The following LRRC9 variants were observed in gnomAD, a reference collection of about 807,000 sequenced individuals.
LRRC9 encodes leucine-rich repeat-containing protein 9.
Under a neutral mutation model 63.2 loss-of-function variants are expected in LRRC9, and 122 were observed. The ratio of observed to expected loss-of-function variants is 1.93; its 90% CI spans 1.67 to 2.24. The LOEUF (loss-of-function observed/expected upper bound fraction) is 2.24. Among genes scored for constraint, LRRC9 ranks in the 30% most tolerant of loss-of-function variants. LRRC9 has a pLI of 0.00. For synonymous variants in LRRC9, 366 were observed against 213.1 expected (o/e 1.72, Z -6.25); for missense variants, 1,071 against 627.7 (o/e 1.71, Z -7.55).
At chr14:59,997,659 A>G (rs1888939296) in exon 18 of LRRC9, 1 of 692,802 alleles carries the variant, frequency 1.4e-6, no homozygotes, top group African/African-American at 1.8e-5. Context: ...GTTGCAGTAT[A>G]ACCTTGAATA....
chr14:59,960,866 C>T (rs144059408), intron 9 of LRRC9, 48 bp from the exon 10 acceptor site: 426 of 518,976 alleles, frequency 8.2e-4, no homozygotes, highest in Admixed American at 1.4e-3. Context: ...TTTAATGTTG[C>T]GATTTTTAGA....
rs1893032579 is a variant in LRRC9 at position 60,042,425 on chromosome 14, T to C, written c.3990+10362T>C. ...AGTTCGAGCTTCCCAGCTTCTTTGT[T>C]TACCTATTCAAGCCTCAGCAATGGC... On this transcript the variant is annotated intron_variant, in intron 29 of 31. Coordinates refer to ENST00000445360, the Ensembl canonical transcript of LRRC9. The surrounding 1 kb of genome is among the most constrained non-coding windows in gnomAD (Gnocchi z 4.2). Among the ~76,000 whole-genome samples, 1 of 152,174 alleles carries C rather than the reference T, an allele frequency of 6.6e-6. No individual in the cohort carries two copies. The highest frequency in any genetic ancestry group is 1.5e-5 in the Non-Finnish European group (1 of 68,026).
Position 60,051,668 on chromosome 14 carries a change from C to G in LRRC9, c.3991-1397C>G, listed in dbSNP as rs987762281. Among the ~76,000 whole-genome samples the G allele has an allele frequency of 6.6e-6, 1 of 152,162 alleles. No individual in the cohort carries two copies. Among genetic ancestry groups the G allele is most frequent in the Non-Finnish European group, 1.5e-5 (1 of 68,022 alleles). On this transcript the variant is annotated intron_variant, in intron 29 of 31. Coordinates refer to ENST00000445360, the Ensembl canonical transcript of LRRC9. The surrounding 1 kb of genome is among the most constrained non-coding windows in gnomAD (Gnocchi z 4.7). The stretch of plus-strand genomic sequence containing the variant: ...CACTGCTTGGCTCCCTGGATTCAAC[C>G]CCCTTCCTAGGGGAATGTACAGACA...
rs1345094170 is a variant in LRRC9, at chr14:59,958,066, C to A, written c.883-1752C>A. On this transcript the variant is annotated intron_variant, in intron 8 of 31. Coordinates refer to ENST00000445360, the Ensembl canonical transcript of LRRC9. The surrounding 1 kb of genome is among the most constrained non-coding windows in gnomAD (Gnocchi z 4.0). ...TCTCCTGTATGAGGTGTCTGTCGAC[C>A]CCTGTTGGGGTATGTCTCCCAGTCA... 1.3e-5 allele frequency among the ~76,000 whole-genome samples: 2 copies of A among 152,144 alleles called. No individual in the cohort carries two copies. Among genetic ancestry groups the A allele is most frequent in the Non-Finnish European group, 2.9e-5 (2 of 68,026 alleles).
chr14:59,971,143 A>T (rs1018663742), intron 12 of LRRC9, among the ~76,000 whole-genome samples: 2 of 152,190 alleles, frequency 1.3e-5, no homozygotes, highest in Admixed American at 1.3e-4. Context: ...AATCTTCTGC[A>T]TATGGCTAGT....
At chr14:59,924,904 T>C (rs183765679) in intron 1 of LRRC9, among the ~76,000 whole-genome samples, 5 of 152,008 alleles carry the variant, frequency 3.3e-5, no homozygotes, top group Admixed American at 2.0e-4. Context: ...CCCAGCTTTT[T>C]TTTTTTTTTC....
intron 15 of LRRC9, among the ~76,000 whole-genome samples, chr14:59,981,445 G>C (rs541733182): frequency 6.6e-6 from 1 of 152,156 alleles, no homozygotes; most frequent in South Asian, 2.1e-4. Flanking sequence ...GTAACTAATT[G>C]CTCTTTGTTC....
At chr14:59,949,231 G>T (rs1882820688) in intron 8 of LRRC9, among the ~76,000 whole-genome samples, 1 of 151,972 alleles carries the variant, frequency 6.6e-6, no homozygotes, top group Admixed American at 6.5e-5. Flanking sequence ...TCCTGGTTTA[G>T]TCTTGAGAGA....
At chr14:59,977,275 G>C (rs1886392968) in exon 14 of LRRC9, 1 of 700,688 alleles carries the variant, frequency 1.4e-6, no homozygotes, top group Non-Finnish European at 2.6e-6. Flanking sequence ...TCAGGCCCAT[G>C]AAAAAGAATC....
Position 59,990,405 on chromosome 14 carries a change from T to C in LRRC9, c.2211+5181T>C, listed in dbSNP as rs1020390425. 6.6e-6 allele frequency among the ~76,000 whole-genome samples: 1 copy of C among 152,090 alleles called. No homozygotes were observed. The highest frequency in any genetic ancestry group is 1.5e-5 in the Non-Finnish European group (1 of 68,020). ...CTTTCTTCAGACCTTTCTTTTTTCT[T>C]TTTCTTTTTTCATTTTTAGACAGGG... On this transcript the variant is annotated intron_variant, in intron 17 of 31. Transcript: ENST00000445360. This position sits in a 1 kb window ranked among gnomAD's most constrained non-coding sequence, Gnocchi z 4.2.
At chr14:59,961,384 CTGTT>C (rs1884337816) in intron 10 of LRRC9, among the ~76,000 whole-genome samples, 2 of 152,224 alleles carry the variant, frequency 1.3e-5, no homozygotes, top group South Asian at 4.1e-4. Flanking sequence ...TATGTTTATA[CTGTT>C]TGTTTCCTGA....
chr14:59,997,933 G>A (rs1888970146), intron 18 of LRRC9, 86 bp downstream of exon 18: 2 of 571,956 alleles, frequency 3.5e-6, no homozygotes, highest in Non-Finnish European at 6.2e-6. Flanking sequence ...GTAATAGCCA[G>A]AGATAGGCAA....
chr14:59,994,836 GA>G (rs1888567505), intron 17 of LRRC9, among the ~76,000 whole-genome samples: 1 of 143,328 alleles, frequency 7.0e-6, no homozygotes, highest in African/African-American at 2.6e-5. Flanking sequence ...ACAGGAAGGG[GA>G]ACATCACACA....
chr14:59,981,634 C>T (rs917432222), intron 15 of LRRC9, among the ~76,000 whole-genome samples: 4 of 151,986 alleles, frequency 2.6e-5, no homozygotes, highest in African/African-American at 7.3e-5. Context: ...TATCTTCTGC[C>T]AGTTTTAAGA....
At chr14:59,937,282 GT>G (rs1048533554) in intron 6 of LRRC9, among the ~76,000 whole-genome samples, 1 of 143,392 alleles carries the variant, frequency 7.0e-6, no homozygotes. Flanking sequence ...ATTCTTCTTT[GT>G]TTTTTTTGAA....
chr14:59,928,164 A>G (rs917373135), intron 2 of LRRC9, 104 bp from the exon 3 acceptor site: 1 of 564,214 alleles, frequency 1.8e-6, no homozygotes, highest in Admixed American at 3.4e-5. Flanking sequence ...GTGAGATTAT[A>G]AAAATGGCAT....
In LRRC9 at chr14:60,017,757, A is replaced by G. The variant is rs1251591238; in HGVS notation, c.3318-614A>G. The stretch of plus-strand genomic sequence containing the variant: ...TTTAGAGAACTGGTTAGGGAAAGGG[A>G]TGTAGTTTTATGCTCTTCTCTGTCA... On this transcript the variant is annotated intron_variant, in intron 24 of 31. Coordinates refer to ENST00000445360, the Ensembl canonical transcript of LRRC9. This position sits in a 1 kb window ranked among gnomAD's most constrained non-coding sequence, Gnocchi z 4.0. Among the ~76,000 whole-genome samples the G allele has an allele frequency of 6.6e-6, 1 of 152,082 alleles. No individual in the cohort carries two copies. Among genetic ancestry groups the G allele is most frequent in the Non-Finnish European group, 1.5e-5 (1 of 67,986 alleles).
chr14:59,945,468 A>C (rs1012417578), intron 8 of LRRC9, among the ~76,000 whole-genome samples: 1 of 151,972 alleles, frequency 6.6e-6, no homozygotes, highest in African/African-American at 2.4e-5. Flanking sequence ...AGTAGGAAAA[A>C]AAAGAATTAA....
chr14:60,010,053 C>T (rs547934272), intron 23 of LRRC9, among the ~76,000 whole-genome samples: 21 of 152,274 alleles, frequency 1.4e-4, no homozygotes, highest in African/African-American at 2.6e-4. Context: ...TCCAGGTGCA[C>T]GGTGCAAGCT....
Sources: allele counts gnomAD v4.1 joint callset (sites outside exome capture counted in the v4.1 genomes callset), GRCh38; gene constraint gnomAD v4.1.1; non-coding constraint Gnocchi (gnomAD v3.1); transcripts MANE v1.5; gene names NCBI Gene and HGNC (gene_info 2026-07-23, HGNC 2026-07-21).